The following CDKN2AIPNL variants were observed in gnomAD, a reference collection of about 807,000 sequenced individuals.
CDKN2AIPNL encodes XRN2 binding domain containing 1, also known as CDKN2AIP N-terminal-like protein.
CDKN2AIPNL carries 9 observed loss-of-function variants against 12.9 expected under a neutral mutation model. The ratio of observed to expected loss-of-function variants is 0.70; its 90% confidence interval spans 0.42 to 1.22. CDKN2AIPNL has a LOEUF of 1.22. Among genes scored for constraint, CDKN2AIPNL ranks in the 50% most tolerant of loss-of-function variants. The pLI is 0.00. For synonymous variants in CDKN2AIPNL, 53 were observed against 61.7 expected, an observed-to-expected ratio of 0.86 and a Z score of 0.66; for missense variants, 143 against 153.6, an observed-to-expected ratio of 0.93 and a Z score of 0.37.
intron 2 of CDKN2AIPNL, among the ~76,000 whole-genome samples, chr5:134,408,951 C>T (rs1298459298): frequency 6.6e-6 from 1 of 152,078 alleles, no homozygotes; most frequent in African/African-American, 2.4e-5. Context: ...TTCCTTGACA[C>T]CCATATGGAA....
At chr5:134,408,861 AAAAC>A (rs1167399409) in intron 2 of CDKN2AIPNL, among the ~76,000 whole-genome samples, 1 of 152,334 alleles carries the variant, frequency 6.6e-6, no homozygotes, top group East Asian at 1.9e-4. Context: ...TTTTTTAAGA[AAAAC>A]AAACCATCCT....
chr5:134,403,008 G>A (rs1759051496), intron 2 of CDKN2AIPNL, 82 bp from the exon 3 acceptor site: 5 of 1,164,320 alleles, frequency 4.3e-6, no homozygotes, highest in Non-Finnish European at 3.8e-6. Flanking sequence ...AAATATAGCA[G>A]TGATGTAATA....
intron 1 of CDKN2AIPNL, chr5:134,411,124 C>A (rs749750624): frequency 5.0e-5 from 35 of 702,384 alleles, no homozygotes; most frequent in Non-Finnish European, 1.3e-5. Flanking sequence ...CAGATTACAT[C>A]CTCTCATTAG....
intron 1 of CDKN2AIPNL, 57 bp downstream of exon 1, chr5:134,411,559 A>C: frequency 6.9e-7 from 1 of 1,454,102 alleles, no homozygotes; most frequent in Non-Finnish European, 9.6e-7. Context: ...GCCCTGGGAG[A>C]GGCCTTGAGG....
chr5:134,407,689 G>A (rs548855330), intron 2 of CDKN2AIPNL, among the ~76,000 whole-genome samples: 34 of 151,340 alleles, frequency 2.2e-4, no homozygotes, highest in African/African-American at 6.8e-4. Context: ...GCAAGGGATC[G>A]CTTAAACTCG....
At chr5:134,404,574 C>T (rs1045235554) in intron 2 of CDKN2AIPNL, among the ~76,000 whole-genome samples, 1 of 151,952 alleles carries the variant, frequency 6.6e-6, no homozygotes. Context: ...GCAATTCTCC[C>T]ACCTCGGCTT....
intron 2 of CDKN2AIPNL, among the ~76,000 whole-genome samples, chr5:134,408,436 G>A (rs928873250): frequency 3.9e-4 from 58 of 150,604 alleles, no homozygotes; most frequent in Admixed American, 1.5e-3. Context: ...TTGGGAGGCC[G>A]AGGCGGGCGG....
intron 1 of CDKN2AIPNL, 73 bp downstream of exon 1, chr5:134,411,543 G>C: frequency 2.3e-6 from 3 of 1,333,006 alleles, no homozygotes; most frequent in Non-Finnish European, 3.2e-6. Context: ...TTCGGGTCAG[G>C]GGTGAGCCCT....
At chr5:134,408,994 CAA>C (rs1301921704) in intron 2 of CDKN2AIPNL, among the ~76,000 whole-genome samples, 2 of 152,152 alleles carry the variant, frequency 1.3e-5, no homozygotes, top group Non-Finnish European at 2.9e-5. Flanking sequence ...CCTCCCAAGA[CAA>C]GACCTAAATG....
rs1445781716 is a variant in CDKN2AIPNL, at chr5:134,411,815, C to G, written c.40G>C (p.Val14Leu). ...GEAAAAVEEL[V>L]SGVRQAADFA... Reference sequence around the variant, plus strand: ...TCGGCCGCCTGCCGCACCCCCGAAACCAGCTCCTCCACTGCGGCAGCCGCC... The same window carrying G: ...TCGGCCGCCTGCCGCACCCCCGAAAGCAGCTCCTCCACTGCGGCAGCCGCC... The change falls in exon 1 of 3, where the codon GTT becomes CTT. Residue 14 changes from valine (V) to leucine (L), a missense_variant. Val to Leu is a conservative substitution (Grantham distance 32). Coordinates refer to ENST00000458198, the MANE Select transcript of CDKN2AIPNL (RefSeq NM_080656.3). 6.3e-7 allele frequency: 1 copy of G among 1,598,560 alleles called. No homozygotes were observed. Among genetic ancestry groups the G allele is most frequent in the Non-Finnish European group, 8.5e-7 (1 of 1,173,752 alleles).
At chr5:134,402,959 C>T (rs1187896714) in intron 2 of CDKN2AIPNL, 33 bp from the exon 3 acceptor site, 2 of 1,587,414 alleles carry the variant, frequency 1.3e-6, no homozygotes, top group African/African-American at 1.3e-5. Context: ...GGTTACATAA[C>T]CATGTAGTCC....
At chr5:134,403,546 T>C (rs992508382) in intron 2 of CDKN2AIPNL, among the ~76,000 whole-genome samples, 9 of 152,228 alleles carry the variant, frequency 5.9e-5, no homozygotes, top group Admixed American at 2.0e-4. Flanking sequence ...CATTTAGCAG[T>C]GCAAGTGAAT....
At chr5:134,406,018 TTTA>T (rs1489009331) in intron 2 of CDKN2AIPNL, among the ~76,000 whole-genome samples, 2 of 152,166 alleles carry the variant, frequency 1.3e-5, no homozygotes, top group Non-Finnish European at 2.9e-5. Flanking sequence ...ATCAAGATTG[TTTA>T]CTCAATGTAT....
chr5:134,410,300 T>C (rs1355921630), intron 1 of CDKN2AIPNL, among the ~76,000 whole-genome samples: 1 of 152,150 alleles, frequency 6.6e-6, no homozygotes, highest in Non-Finnish European at 1.5e-5. Context: ...CACGCCTGGC[T>C]AATTTTTTAT....
chr5:134,407,910 C>A (rs1022861102), intron 2 of CDKN2AIPNL, among the ~76,000 whole-genome samples: 2 of 152,074 alleles, frequency 1.3e-5, no homozygotes, highest in African/African-American at 4.8e-5. Context: ...CTGGGCAGAT[C>A]ACTTGAGGCC....
intron 2 of CDKN2AIPNL, among the ~76,000 whole-genome samples, chr5:134,405,330 C>A (rs1426610017): frequency 1.3e-5 from 2 of 151,338 alleles, no homozygotes; most frequent in Non-Finnish European, 2.9e-5. Flanking sequence ...TGGTCTCGAT[C>A]TCCTGACCTT....
intron 2 of CDKN2AIPNL, 65 bp from the exon 3 acceptor site, chr5:134,402,991 T>G (rs1157432316): frequency 7.4e-7 from 1 of 1,350,462 alleles, no homozygotes; most frequent in African/African-American, 1.4e-5. Context: ...TTCATCTTCA[T>G]AAATTAAAAT....
At chr5:134,402,978 A>C in intron 2 of CDKN2AIPNL, 52 bp from the exon 3 acceptor site, 1 of 1,510,480 alleles carries the variant, frequency 6.6e-7, no homozygotes. Context: ...CCAGTGAATC[A>C]AATTCATCTT....
chr5:134,406,066 C>CAT (rs1561687726), intron 2 of CDKN2AIPNL, among the ~76,000 whole-genome samples: 1 of 152,152 alleles, frequency 6.6e-6, no homozygotes, highest in African/African-American at 2.4e-5. Flanking sequence ...GAAAAAAAAT[C>CAT]ATATACTGCA....
Sources: allele counts gnomAD v4.1 joint callset (sites outside exome capture counted in the v4.1 genomes callset), GRCh38; gene constraint gnomAD v4.1.1; transcripts MANE v1.5; gene names NCBI Gene and HGNC (gene_info 2026-07-23, HGNC 2026-07-21).